The following MDGA2 variants were observed in gnomAD, a reference collection of about 807,000 sequenced individuals.
MDGA2 encodes MAM domain-containing glycosylphosphatidylinositol anchor protein 2.
Under a neutral mutation model 117.8 loss-of-function variants are expected in MDGA2, and 40 were observed. That is an observed-to-expected ratio of 0.34 (90% confidence interval 0.26 to 0.44). The LOEUF (loss-of-function observed/expected upper bound fraction) is 0.44. Among genes scored for constraint, MDGA2 ranks in the 20% least tolerant of loss-of-function variants. The probability of loss-of-function intolerance (pLI) is 1.00; values close to 1 mark genes in which losing one functional copy is unlikely to be tolerated. For synonymous variants in MDGA2, 452 were observed against 439.0 expected (o/e 1.03, Z -0.37); for missense variants, 1,123 against 1,250.6 (o/e 0.90, Z 1.54).
chr14:46,912,755 T>C (rs1883754359), intron 10 of MDGA2, among the ~76,000 whole-genome samples: 2 of 152,160 alleles, frequency 1.3e-5, no homozygotes, highest in Non-Finnish European at 2.9e-5. Context: ...CAAGACAAGG[T>C]ACCCTTATTT....
In MDGA2 at chr14:47,471,109, T is replaced by C. The variant is rs1407008025; in HGVS notation, c.281-169559A>G. Among the ~76,000 whole-genome samples, 23 of 152,272 alleles carry C rather than the reference T, an allele frequency of 1.5e-4. No individual in the cohort carries two copies. In the East Asian group the frequency reaches 3.5e-3, roughly 23 times the overall value. On this transcript the variant is annotated intron_variant, in intron 1 of 16. Transcript: ENST00000399232. ...AGTGTCCTCAAATATTGTGAGTTGATAGTGCAAGGAATAAGTGTGTCTGTT... is the reference window on the plus strand; with the variant it reads ...AGTGTCCTCAAATATTGTGAGTTGACAGTGCAAGGAATAAGTGTGTCTGTT...
intron 8 of MDGA2, among the ~76,000 whole-genome samples, chr14:47,019,818 G>A (rs1263563913): frequency 1.4e-5 from 2 of 141,288 alleles, no homozygotes; most frequent in South Asian, 2.2e-4. Context: ...CAGCCGGGGC[G>A]ACAGAGCGAG....
intron 14 of MDGA2, among the ~76,000 whole-genome samples, chr14:46,866,371 C>G (rs930729920): frequency 6.6e-6 from 1 of 152,122 alleles, no homozygotes; most frequent in Non-Finnish European, 1.5e-5. Context: ...TCCTTCCTTA[C>G]ACCTTATACA....
chr14:47,178,484 C>CT (rs1167710905), intron 3 of MDGA2, among the ~76,000 whole-genome samples: 3 of 151,948 alleles, frequency 2.0e-5, no homozygotes, highest in Admixed American at 1.3e-4. Flanking sequence ...TACAAAATAC[C>CT]TTTTTTCCAG....
At chr14:47,534,643 C>T (rs1441225156) in intron 1 of MDGA2, among the ~76,000 whole-genome samples, 2 of 152,152 alleles carry the variant, frequency 1.3e-5, no homozygotes, top group Admixed American at 6.5e-5. Context: ...CCAAGTCCCC[C>T]CCTCCACATG....
At chr14:47,439,961 A>C (rs938866074) in intron 1 of MDGA2, among the ~76,000 whole-genome samples, 3 of 151,904 alleles carry the variant, frequency 2.0e-5, no homozygotes, top group Non-Finnish European at 2.9e-5. Flanking sequence ...TTGGTTTGTA[A>C]ATTCTTTACA....
At chr14:46,982,272 A>C (rs1251625135) in intron 8 of MDGA2, among the ~76,000 whole-genome samples, 2 of 152,178 alleles carry the variant, frequency 1.3e-5, no homozygotes, top group African/African-American at 4.8e-5. Context: ...GGAGGTCCAT[A>C]AATTATTAAA....
chr14:47,551,885 G>A (rs1895589128), intron 1 of MDGA2, among the ~76,000 whole-genome samples: 1 of 152,052 alleles, frequency 6.6e-6, no homozygotes, highest in East Asian at 1.9e-4. Context: ...GCGGTAAGAG[G>A]AAATTAATAT....
intron 1 of MDGA2, among the ~76,000 whole-genome samples, chr14:47,590,148 A>G (rs1896409106): frequency 6.6e-6 from 1 of 151,808 alleles, no homozygotes; most frequent in African/African-American, 2.4e-5. Flanking sequence ...AGATAGCTTT[A>G]CTTCTTCCTT....
intron 1 of MDGA2, among the ~76,000 whole-genome samples, chr14:47,636,621 T>C (rs1897325235): frequency 6.6e-6 from 1 of 151,756 alleles, no homozygotes; most frequent in South Asian, 2.1e-4. Context: ...CCATCTCTAC[T>C]AAAAATACAA....
intron 1 of MDGA2, among the ~76,000 whole-genome samples, chr14:47,657,293 T>C (rs1264642760): frequency 2.0e-5 from 3 of 152,120 alleles, no homozygotes; most frequent in East Asian, 1.9e-4. Context: ...GCAATAGCAA[T>C]TGGAATCAGA....
chr14:47,156,849 C>T (rs909490027), intron 3 of MDGA2, among the ~76,000 whole-genome samples: 3 of 152,084 alleles, frequency 2.0e-5, no homozygotes, highest in Admixed American at 2.0e-4. Context: ...GCTAGAGAAG[C>T]ATATTATTTT....
intron 2 of MDGA2, among the ~76,000 whole-genome samples, chr14:47,230,551 C>T (rs1886653775): frequency 2.0e-5 from 3 of 152,110 alleles, no homozygotes; most frequent in Non-Finnish European, 4.4e-5. Flanking sequence ...AGAAAATTAA[C>T]ATCTCCAATT....
chr14:47,246,896 G>T (rs998737017), intron 2 of MDGA2, among the ~76,000 whole-genome samples: 7 of 151,130 alleles, frequency 4.6e-5, no homozygotes, highest in Non-Finnish European at 8.9e-5. Context: ...AGAGGGTGAG[G>T]CTGCAGTCCT....
intron 5 of MDGA2, among the ~76,000 whole-genome samples, chr14:47,099,945 A>G (rs1880207321): frequency 6.6e-6 from 1 of 152,068 alleles, no homozygotes. Flanking sequence ...GTGGGTGCTT[A>G]ATAAATATTA....
At chr14:47,385,749 G>T (rs2138426834) in intron 1 of MDGA2, among the ~76,000 whole-genome samples, 1 of 152,236 alleles carries the variant, frequency 6.6e-6, no homozygotes, top group Non-Finnish European at 1.5e-5. Context: ...AGAAGGAAAT[G>T]GGGTAGCTTT....
intron 1 of MDGA2, among the ~76,000 whole-genome samples, chr14:47,614,095 C>CTTTTTTTTTTTTTTT (rs768294746): frequency 3.0e-4 from 30 of 101,596 alleles, no homozygotes; most frequent in Non-Finnish European, 3.8e-4. Flanking sequence ...TTTCTTTTTT[C>CTTTTTTTTTTTTTTT]TTTTTTTTTT....
In MDGA2 at chr14:46,855,184, A is replaced by G. The variant is rs146116278; in HGVS notation, c.2753-30T>C. ...AAATGACAATAAAATTTTATTTTGC[A>G]TATTCATTTTCACCTCAAATTTGTT... On this transcript the variant is annotated intron_variant, in intron 14 of 16. Coordinates refer to ENST00000399232, the MANE Select transcript of MDGA2 (RefSeq NM_001113498.3). This position sits in a 1 kb window ranked among gnomAD's most constrained non-coding sequence, Gnocchi z 4.1. The G allele has an allele frequency of 7.6e-6, 12 of 1,577,186 alleles. No homozygotes were observed. The Admixed American group carries it at 1.1e-4, about 15-fold the overall frequency.
chr14:47,258,539 C>G (rs572399628), intron 2 of MDGA2, among the ~76,000 whole-genome samples: 1 of 151,996 alleles, frequency 6.6e-6, no homozygotes, highest in African/African-American at 2.4e-5. Flanking sequence ...GGATTATATT[C>G]GACAGGAGAT....
Sources: allele counts gnomAD v4.1 joint callset (sites outside exome capture counted in the v4.1 genomes callset), GRCh38; gene constraint gnomAD v4.1.1; non-coding constraint Gnocchi (gnomAD v3.1); transcripts MANE v1.5; gene names NCBI Gene and HGNC (gene_info 2026-07-23, HGNC 2026-07-21).